Variants in AGPAT4 observed in about 807,000 individuals in gnomAD.
AGPAT4 encodes the protein 1-acylglycerol-3-phosphate O-acyltransferase 4, also known as 1-acyl-sn-glycerol-3-phosphate acyltransferase delta.
Under a neutral mutation model 48.0 loss-of-function variants are expected in AGPAT4, and 15 were observed. That is an observed-to-expected ratio of 0.31 (90% CI 0.21 to 0.48). AGPAT4 has a LOEUF of 0.48. Ranked by LOEUF, AGPAT4 falls within the 20% of genes least tolerant of loss-of-function variation. AGPAT4 has a pLI of 0.99. For synonymous variants in AGPAT4, 178 were observed against 198.7 expected (o/e 0.90, Z 0.88); for missense variants, 314 against 482.5 (o/e 0.65, Z 3.27).
chr6:161,230,409 G>A (rs183139258), intron 2 of AGPAT4, among the ~76,000 whole-genome samples: 6 of 152,322 alleles, frequency 3.9e-5, no homozygotes, highest in Admixed American at 2.6e-4. Flanking sequence ...ATGAAAAAGC[G>A]TAATCAGTAT....
Position 161,219,824 on chromosome 6 carries a change from G to GAGATAGATAGATATAGAT in AGPAT4, c.178+12211_178+12212insATCTATATCTATCTATCT, listed in dbSNP as rs1352494887. Among the ~76,000 whole-genome samples the GAGATAGATAGATATAGAT allele has an allele frequency of 3.4e-4, 30 of 89,498 alleles. No individual in the cohort carries two copies. Among genetic ancestry groups the GAGATAGATAGATATAGAT allele is most frequent in the African/African-American group, 1.1e-3 (27 of 23,602 alleles). The allele number at this position is 89,498 out of a possible 152,430, so 58.7% of individuals were successfully genotyped here. A position where few individuals can be genotyped will look rare whatever the true frequency, so the allele number is the denominator to read the frequency against. On this transcript the variant is annotated intron_variant, in intron 2 of 8. Transcript: ENST00000320285. This position sits in a 1 kb window ranked among gnomAD's most constrained non-coding sequence, Gnocchi z 4.9. Reference sequence around the variant, plus strand: ...AGATTCACAGTAAAAAAGATAGACAGAGATAGATAGATAGATAGATAGATA... The same window carrying GAGATAGATAGATATAGAT: ...AGATTCACAGTAAAAAAGATAGACAGAGATAGATAGATATAGATAGATAGATAGATAGATAGATAGATA...
Position 161,178,191 on chromosome 6 carries a change from C to T in AGPAT4, c.179-11774G>A, listed in dbSNP as rs762971942. Among the ~76,000 whole-genome samples, 3 of 152,154 alleles carry T rather than the reference C, an allele frequency of 2.0e-5. No individual in the cohort carries two copies. Among genetic ancestry groups the T allele is most frequent in the African/African-American group, 4.8e-5 (2 of 41,434 alleles). On this transcript the variant is annotated intron_variant, in intron 2 of 8. Transcript: ENST00000320285. The surrounding 1 kb of genome is among the most constrained non-coding windows in gnomAD (Gnocchi z 5.1). ...TCTCTTCAAAGCTGTCAGACAGGGA[C>T]CTTTAAGTCTGCAGAAGTTTCTGCT...
chr6:161,192,668 AT>A (rs946803323), intron 2 of AGPAT4, among the ~76,000 whole-genome samples: 3 of 151,868 alleles, frequency 2.0e-5, no homozygotes, highest in African/African-American at 7.3e-5. Flanking sequence ...TTTCCTGAAA[AT>A]TTATCTTTAG....
chr6:161,199,504 C>T (rs1781162479), intron 2 of AGPAT4, among the ~76,000 whole-genome samples: 1 of 152,202 alleles, frequency 6.6e-6, no homozygotes, highest in Non-Finnish European at 1.5e-5. Context: ...ACAACAGCCC[C>T]TTGTTGATGA....
rs979372390 is a variant in AGPAT4, at chr6:161,233,453, C to T, written c.-89-1151G>A. On this transcript the variant is annotated intron_variant, in intron 1 of 8. Coordinates refer to ENST00000320285, the MANE Select transcript of AGPAT4 (RefSeq NM_020133.3). The surrounding 1 kb of genome is among the most constrained non-coding windows in gnomAD (Gnocchi z 5.4). ...TAGTTGAGAGGCCCTAAAATTGTTA[C>T]AATCTTTTTTAATAATGAACAATCT... Among the ~76,000 whole-genome samples, 1 of 152,150 alleles carries T rather than the reference C, an allele frequency of 6.6e-6. No individual in the cohort carries two copies. The highest frequency in any genetic ancestry group is 2.4e-5 in the African/African-American group (1 of 41,436).
rs1430824698 is a variant in AGPAT4 at position 161,158,299 on chromosome 6, C to G, written c.349-3989G>C. Among the ~76,000 whole-genome samples the G allele has an allele frequency of 1.3e-5, 2 of 152,150 alleles. No homozygotes were observed. Among genetic ancestry groups the G allele is most frequent in the African/African-American group, 4.8e-5 (2 of 41,428 alleles). On this transcript the variant is annotated intron_variant, in intron 3 of 8. Coordinates refer to ENST00000320285, the MANE Select transcript of AGPAT4 (RefSeq NM_020133.3). The surrounding 1 kb of genome is among the most constrained non-coding windows in gnomAD (Gnocchi z 5.3). ...GCTTTCCCAGGCCACTCAGAGGCTTCCATGTGTGATGCCAACAGCTTTCAG... is the reference window on the plus strand; with the variant it reads ...GCTTTCCCAGGCCACTCAGAGGCTTGCATGTGTGATGCCAACAGCTTTCAG...
At chr6:161,194,987 C>A (rs772695453) in intron 2 of AGPAT4, among the ~76,000 whole-genome samples, 28 of 152,208 alleles carry the variant, frequency 1.8e-4, no homozygotes, top group Non-Finnish European at 3.7e-4. Flanking sequence ...TGCCTTCCTG[C>A]ACCTTACTTG....
intron 2 of AGPAT4, among the ~76,000 whole-genome samples, chr6:161,183,367 C>T (rs1780654474): frequency 6.6e-6 from 1 of 151,894 alleles, no homozygotes; most frequent in African/African-American, 2.4e-5. Context: ...CAACTGTAAT[C>T]CCAGCACTTT....
chr6:161,160,956 T>C (rs573099732), intron 3 of AGPAT4: 89 of 456,146 alleles, frequency 2.0e-4, no homozygotes, highest in African/African-American at 1.6e-3. Flanking sequence ...AGATAATAGG[T>C]GCTTGCTAAA....
At chr6:161,209,183 A>G (rs1238275680) in intron 2 of AGPAT4, among the ~76,000 whole-genome samples, 1 of 152,170 alleles carries the variant, frequency 6.6e-6, no homozygotes, top group Non-Finnish European at 1.5e-5. Flanking sequence ...CCCCCACTCC[A>G]GCACCCTCTG....
At position 161,222,713 on chromosome 6, in the gene AGPAT4, G is replaced by A. The variant is rs1050322064; in HGVS notation, c.178+9323C>T. On this transcript the variant is annotated intron_variant, in intron 2 of 8. Transcript: ENST00000320285. The surrounding 1 kb of genome is among the most constrained non-coding windows in gnomAD (Gnocchi z 5.9). ...AATTTCTGAGGGATGGATACTTGGA[G>A]CCCATCTAGTGAGAGGGTCAATGGC... Among the ~76,000 whole-genome samples the A allele has an allele frequency of 6.6e-6, 1 of 152,164 alleles. No homozygotes were observed. Among genetic ancestry groups the A allele is most frequent in the African/African-American group, 2.4e-5 (1 of 41,436 alleles).
At position 161,216,583 on chromosome 6, in the gene AGPAT4, G is replaced by A. The variant is rs1230449991; in HGVS notation, c.178+15453C>T. Among the ~76,000 whole-genome samples the A allele has an allele frequency of 6.6e-6, 1 of 152,130 alleles. No homozygotes were observed. The highest frequency in any genetic ancestry group is 1.5e-5 in the Non-Finnish European group (1 of 68,036). ...CTTAATTCAGATGATTTTCCCCAGTGTCCGTTTTCACACTGCTGCTGAAGA... is the reference window on the plus strand; with the variant it reads ...CTTAATTCAGATGATTTTCCCCAGTATCCGTTTTCACACTGCTGCTGAAGA... On this transcript the variant is annotated intron_variant, in intron 2 of 8. Transcript: ENST00000320285. The surrounding 1 kb of genome is among the most constrained non-coding windows in gnomAD (Gnocchi z 4.8).
rs1311857603 is a variant in AGPAT4 at position 161,270,792 on chromosome 6, T to A, written c.-90+3146A>T. Among the ~76,000 whole-genome samples the A allele has an allele frequency of 6.7e-6, 1 of 149,344 alleles. No individual in the cohort carries two copies. Among genetic ancestry groups the A allele is most frequent in the South Asian group, 2.1e-4 (1 of 4,704 alleles). ...GCAAGACTTCATCTCAAAAAAAAAA[T>A]AAATGTGAATGCGGCTTTGTCCCAT... On this transcript the variant is annotated intron_variant, in intron 1 of 8. Transcript: ENST00000320285. The surrounding 1 kb of genome is among the most constrained non-coding windows in gnomAD (Gnocchi z 5.3).
rs1400448267 is a variant in AGPAT4 at position 161,142,015 on chromosome 6, A to G, written c.844-2395T>C. Among the ~76,000 whole-genome samples, 1 of 152,238 alleles carries G rather than the reference A, an allele frequency of 6.6e-6. No homozygotes were observed. Among genetic ancestry groups the G allele is most frequent in the Non-Finnish European group, 1.5e-5 (1 of 68,048 alleles). Reference sequence around the variant, plus strand: ...GTACCTGGGATTACAGGCACCTGCCATCATGCCCAGCTAATTTTTGTAGAG... The same window carrying G: ...GTACCTGGGATTACAGGCACCTGCCGTCATGCCCAGCTAATTTTTGTAGAG... On this transcript the variant is annotated intron_variant, in intron 7 of 8. Coordinates refer to ENST00000320285, the MANE Select transcript of AGPAT4 (RefSeq NM_020133.3). This position sits in a 1 kb window ranked among gnomAD's most constrained non-coding sequence, Gnocchi z 6.4.
intron 2 of AGPAT4, among the ~76,000 whole-genome samples, chr6:161,230,861 A>AATAGTG: frequency 6.6e-6 from 1 of 152,336 alleles, no homozygotes; most frequent in East Asian, 1.9e-4. Context: ...TTGCACTCAA[A>AATAGTG]CTATATCCAA....
Position 161,216,755 on chromosome 6 carries a change from C to A in AGPAT4, c.178+15281G>T, listed in dbSNP as rs1028497141. ...AGAGAAAATGAGAAAGAAGCAAAAGCGGAGACCCCTGATAAACCCATCAGA... is the reference window on the plus strand; with the variant it reads ...AGAGAAAATGAGAAAGAAGCAAAAGAGGAGACCCCTGATAAACCCATCAGA... On this transcript the variant is annotated intron_variant, in intron 2 of 8. Coordinates refer to ENST00000320285, the MANE Select transcript of AGPAT4 (RefSeq NM_020133.3). This position sits in a 1 kb window ranked among gnomAD's most constrained non-coding sequence, Gnocchi z 4.8. Among the ~76,000 whole-genome samples, 1 of 152,176 alleles carries A rather than the reference C, an allele frequency of 6.6e-6. No homozygotes were observed. The highest frequency in any genetic ancestry group is 6.5e-5 in the Admixed American group (1 of 15,286).
At chr6:161,228,929 A>G (rs1210638427) in intron 2 of AGPAT4, among the ~76,000 whole-genome samples, 1 of 151,748 alleles carries the variant, frequency 6.6e-6, no homozygotes, top group Non-Finnish European at 1.5e-5. Flanking sequence ...CATTACTTTC[A>G]AGTTGTTATT....
rs113655136 is a variant in AGPAT4 at position 161,200,174 on chromosome 6, C to G, written c.178+31862G>C. Among the ~76,000 whole-genome samples the G allele has an allele frequency of 3.8e-3, 585 of 152,346 alleles. 5 individuals are homozygous for G. Among genetic ancestry groups the G allele is most frequent in the African/African-American group, 0.012 (505 of 41,586 alleles). The stretch of plus-strand genomic sequence containing the variant: ...AAAAACTAGAAATTCTGTGTTCACC[C>G]TTCAGCCCGGTCCCCATGAGAAAAA... On this transcript the variant is annotated intron_variant, in intron 2 of 8. Transcript: ENST00000320285. This position sits in a 1 kb window ranked among gnomAD's most constrained non-coding sequence, Gnocchi z 5.5.
intron 2 of AGPAT4, among the ~76,000 whole-genome samples, chr6:161,199,629 C>T (rs961291046): frequency 3.3e-5 from 5 of 152,052 alleles, no homozygotes; most frequent in Non-Finnish European, 7.4e-5. Context: ...GGGGAGGGGC[C>T]GGTGAGAGGT....
Sources: allele counts gnomAD v4.1 joint callset (sites outside exome capture counted in the v4.1 genomes callset), GRCh38; gene constraint gnomAD v4.1.1; non-coding constraint Gnocchi (gnomAD v3.1); transcripts MANE v1.5; gene names NCBI Gene and HGNC (gene_info 2026-07-23, HGNC 2026-07-21).